Variants in LRP2 observed in about 807,000 individuals in gnomAD.
The protein encoded by LRP2 is low-density lipoprotein receptor-related protein 2.
A neutral mutation model predicts 531.0 loss-of-function variants in LRP2; 172 were observed. That is an observed-to-expected ratio of 0.32 (90% CI 0.29 to 0.37). LRP2 has a LOEUF of 0.37. LRP2 is among the 10% of genes least tolerant of loss of function. The pLI is 1.00. For synonymous variants in LRP2, 1,992 were observed against 2,027.6 expected (o/e 0.98, Z 0.47); for missense variants, 5,167 against 5,868.3 (o/e 0.88, Z 3.90).
chr2:169,238,172 T>A lies in LRP2; in HGVS notation c.4425A>T (p.Ser1475=). ...GSYIVAVDFD[S]ISGRIFWSDA... ...CAGACCAAAAGATACGACCACTAAT[T>A]GAATCAAAATCAACAGCTACAATGT... Residue 1475 remains serine, a synonymous_variant, in exon 27 of 79, where the codon TCA becomes TCT. Transcript: ENST00000649046. The A allele has an allele frequency of 6.2e-7, 1 of 1,614,148 alleles. No individual in the cohort carries two copies. The highest frequency in any genetic ancestry group is 8.5e-7 in the Non-Finnish European group (1 of 1,179,996).
chr2:169,301,324 C>A (rs1042047122), intron 4 of LRP2, among the ~76,000 whole-genome samples: 2 of 151,638 alleles, frequency 1.3e-5, no homozygotes, highest in Non-Finnish European at 2.9e-5. Flanking sequence ...TTATCTTAGA[C>A]CCTGCATGAG....
rs373720344 is a variant in LRP2 at position 169,170,661 on chromosome 2, C to T, written c.11270G>A (p.Arg3757Gln). Reference sequence around the variant, plus strand: ...TCGAAACTCGCTCTCTGTGCACTCCCGGGGAGCTGGAAAGGAAAGGCACCT... The same window carrying T: ...TCGAAACTCGCTCTCTGTGCACTCCTGGGGAGCTGGAAAGGAAAGGCACCT... ...DNSDEENCAP[R>Q]ECTESEFRCV... The change falls in exon 59 of 79, where the codon CGG (arginine) becomes CAG (glutamine). Residue 3757 changes from arginine (R) to glutamine (Q), a missense_variant. Arg to Gln is a conservative substitution (Grantham distance 43, BLOSUM62 1). Coordinates refer to ENST00000649046, the MANE Select transcript of LRP2 (RefSeq NM_004525.3). 19 of 1,612,814 alleles carry T rather than the reference C, an allele frequency of 1.2e-5. No homozygotes were observed. Among genetic ancestry groups the T allele is most frequent in the African/African-American group, 8.0e-5 (6 of 74,998 alleles).
chr2:169,226,734 C>G, intron 31 of LRP2, 146 bp from the exon 32 acceptor site: 1 of 704,622 alleles, frequency 1.4e-6, no homozygotes, highest in Non-Finnish European at 2.5e-6. Flanking sequence ...CTTCATCAGA[C>G]AAGCATGGGC....
intron 1 of LRP2, among the ~76,000 whole-genome samples, chr2:169,357,315 T>TTTTAC (rs1686020055): frequency 7.1e-6 from 1 of 141,144 alleles, no homozygotes; most frequent in Non-Finnish European, 1.5e-5. Context: ...TTTTATTTTA[T>TTTTAC]TTTATTTTAT....
Position 169,341,796 on chromosome 2 carries a change from A to G in LRP2, c.79+20525T>C, listed in dbSNP as rs764643167. Among the ~76,000 whole-genome samples, 7 of 152,328 alleles carry G rather than the reference A, an allele frequency of 4.6e-5. No individual in the cohort carries two copies. In the South Asian group the frequency reaches 6.2e-4, roughly 14 times the overall value. On this transcript the variant is annotated intron_variant, in intron 1 of 78. Transcript: ENST00000649046. ...GGTATCTACCTCCCTGGAGTGTCACAAGAACAAATGCTATAGCTATGGTGA... is the reference window on the plus strand; with the variant it reads ...GGTATCTACCTCCCTGGAGTGTCACGAGAACAAATGCTATAGCTATGGTGA...
chr2:169,216,225 G>A (rs756813265), intron 35 of LRP2, 28 bp downstream of exon 35: 1 of 1,611,504 alleles, frequency 6.2e-7, no homozygotes, highest in Admixed American at 1.7e-5. Flanking sequence ...TCAGCATAAA[G>A]ACCAAAAGAC....
At chr2:169,243,133 G>C in intron 23 of LRP2, 61 bp from the exon 24 acceptor site, 1 of 1,363,702 alleles carries the variant, frequency 7.3e-7, no homozygotes, top group East Asian at 2.3e-5. Flanking sequence ...TAAACACTGA[G>C]ATTTTTCTTT....
chr2:169,158,631 G>C (rs907792119), intron 63 of LRP2, among the ~76,000 whole-genome samples: 2 of 150,090 alleles, frequency 1.3e-5, no homozygotes, highest in East Asian at 2.0e-4. Context: ...ATGATACTTT[G>C]ACATGGGAAA....
chr2:169,231,860 G>A lies in LRP2; in HGVS notation c.5099-18C>T, dbSNP rs756474812. 5.0e-6 allele frequency: 8 copies of A among 1,613,360 alleles called. No individual in the cohort carries two copies. The highest frequency in any genetic ancestry group is 1.1e-5 in the South Asian group (1 of 91,024). ...ATTCACGGCTGCATGAGAAAGAGAAGAAAGCACCAGTAAGTGGAAAACCTC... is the reference window on the plus strand; with the variant it reads ...ATTCACGGCTGCATGAGAAAGAGAAAAAAGCACCAGTAAGTGGAAAACCTC... On this transcript the variant is annotated intron_variant, in intron 30 of 78. Transcript: ENST00000649046.
At chr2:169,186,105 C>G in intron 49 of LRP2, 86 bp from the exon 50 acceptor site, 1 of 1,175,802 alleles carries the variant, frequency 8.5e-7, no homozygotes, top group Non-Finnish European at 1.3e-6. Context: ...TTCTACTAAA[C>G]AGTGCCAATT....
intron 8 of LRP2, 102 bp downstream of exon 8, chr2:169,290,743 T>C (rs1683977859): frequency 1.6e-6 from 2 of 1,280,520 alleles, no homozygotes; most frequent in Admixed American, 1.9e-5. Flanking sequence ...CTTGGGGTGC[T>C]TTGTTATGCA....
chr2:169,347,199 T>C (rs1390817787), intron 1 of LRP2, among the ~76,000 whole-genome samples: 2 of 152,206 alleles, frequency 1.3e-5, no homozygotes, highest in African/African-American at 4.8e-5. Context: ...GGAGTGAACA[T>C]TTCCACATTG....
intron 63 of LRP2, among the ~76,000 whole-genome samples, chr2:169,157,765 C>T (rs1023208234): frequency 7.9e-5 from 12 of 151,902 alleles, no homozygotes; most frequent in Non-Finnish European, 1.8e-4. Flanking sequence ...TAGGCTTATC[C>T]TCAGAGCATC....
intron 29 of LRP2, among the ~76,000 whole-genome samples, chr2:169,233,944 T>C (rs1221093768): frequency 1.3e-5 from 2 of 152,084 alleles, no homozygotes; most frequent in African/African-American, 4.8e-5. Context: ...GCTTAGAGAC[T>C]CCTCATCTCC....
intron 59 of LRP2, among the ~76,000 whole-genome samples, chr2:169,170,301 G>C (rs1200850350): frequency 6.6e-6 from 1 of 152,174 alleles, no homozygotes; most frequent in Non-Finnish European, 1.5e-5. Flanking sequence ...CTGCTCCTAA[G>C]AAGTGTTGAT....
chr2:169,157,553 T>TGGTGTATCACAAGAAAATACA (rs1686377930), intron 63 of LRP2, 51 bp from the exon 64 acceptor site: 1 of 1,603,730 alleles, frequency 6.2e-7, no homozygotes, highest in Non-Finnish European at 8.5e-7. Context: ...CAAATAACAG[T>TGGTGTATCACAAGAAAATACA]CAAGTGGTGT....
intron 22 of LRP2, among the ~76,000 whole-genome samples, 166 bp downstream of exon 22, chr2:169,244,527 G>A (rs1689930776): frequency 6.6e-6 from 1 of 152,206 alleles, no homozygotes; most frequent in Non-Finnish European, 1.5e-5. Flanking sequence ...GCAGGCACGT[G>A]CCTTTGTTCT....
At chr2:169,202,272 T>A (rs1381219702) in intron 43 of LRP2, among the ~76,000 whole-genome samples, 1 of 152,204 alleles carries the variant, frequency 6.6e-6, no homozygotes, top group Non-Finnish European at 1.5e-5. Flanking sequence ...TTTTATTCAC[T>A]CTATTCAGAT....
chr2:169,198,546 T>C (rs1047072321), intron 45 of LRP2, among the ~76,000 whole-genome samples: 1 of 152,132 alleles, frequency 6.6e-6, no homozygotes, highest in Non-Finnish European at 1.5e-5. Context: ...GGCTCTCCAA[T>C]AGTAGCAGAT....
Sources: allele counts gnomAD v4.1 joint callset (sites outside exome capture counted in the v4.1 genomes callset), GRCh38; gene constraint gnomAD v4.1.1; transcripts MANE v1.5; gene names NCBI Gene and HGNC (gene_info 2026-07-23, HGNC 2026-07-21).